PDIA6: variants seen among roughly 807,000 people sequenced by gnomAD.
PDIA6 encodes protein disulfide-isomerase A6.
In PDIA6, 29 loss-of-function variants were observed where a neutral mutation model predicts 58.4. That is an observed-to-expected ratio of 0.50 (90% CI 0.37 to 0.68). PDIA6 has a LOEUF of 0.68. PDIA6 is among the 30% of genes least tolerant of loss of function. The probability of loss-of-function intolerance (pLI) is 0.00; values close to 1 mark genes in which losing one functional copy is unlikely to be tolerated. For missense variants in PDIA6, 480 were observed against 551.0 expected (o/e 0.87, Z 1.29); for synonymous variants, 192 against 202.6 (o/e 0.95, Z 0.44).
rs1433506793 is a variant in PDIA6 at position 10,812,693 on chromosome 2, C to T, written c.4G>A (p.Ala2Thr). M[A>T]LLVLGLVSCT... is the part of the protein sequence containing the mutation. ...CCGCACCTACCGAGCACCAGGAGAG[C>T]CATGCCGAGCGCCGGGCTACGTGCA... Residue 2 changes from alanine (A) to threonine (T), a missense_variant, in exon 1 of 13, where the codon GCT (alanine) becomes ACT (threonine). Physicochemically the swap from Ala to Thr is moderately conservative, Grantham distance 58. Transcript: ENST00000272227. The T allele has an allele frequency of 2.0e-6, 3 of 1,531,466 alleles. No individual in the cohort carries two copies. The highest frequency in any genetic ancestry group is 2.7e-5 in the East Asian group (1 of 36,858). The allele number at this position is 1,531,466 out of a possible 1,614,324, so 94.9% of individuals were successfully genotyped here.
upstream of PDIA6, among the ~76,000 whole-genome samples, chr2:10,834,732 C>CTCCCTCCTTCCTTCCTTCCTTCCT (rs1217424185): frequency 5.5e-5 from 2 of 36,414 alleles, no homozygotes; most frequent in African/African-American, 1.9e-4. Flanking sequence ...CCTTCCTTCC[C>CTCCCTCCTTCCTTCCTTCCTTCCT]TCCTTCCTTC....
At chr2:10,784,486 A>G in intron 12 of PDIA6, 160 bp from the exon 13 acceptor site, 1 of 569,422 alleles carries the variant, frequency 1.8e-6, no homozygotes. Flanking sequence ...CTATGATTAT[A>G]CGGATGGAAA....
intron 3 of PDIA6, 30 bp downstream of exon 3, chr2:10,797,670 G>GT (rs779301133): frequency 6.3e-7 from 1 of 1,575,134 alleles, no homozygotes; most frequent in Non-Finnish European, 8.7e-7. Context: ...AAAAAGTTTT[G>GT]TAAGCCTTTT....
intron 2 of PDIA6, among the ~76,000 whole-genome samples, chr2:10,798,703 T>C (rs1666376874): frequency 6.6e-6 from 1 of 152,186 alleles, no homozygotes; most frequent in African/African-American, 2.4e-5. Flanking sequence ...TGTGTGGAGC[T>C]GAAAGCCTAG....
intron 8 of PDIA6, among the ~76,000 whole-genome samples, chr2:10,789,421 A>ACAAAG (rs1558439757): frequency 6.6e-6 from 1 of 152,046 alleles, no homozygotes; most frequent in Non-Finnish European, 1.5e-5. Context: ...ACAAAACAAA[A>ACAAAG]CAAAACAAAA....
intron 5 of PDIA6, 125 bp downstream of exon 5, chr2:10,792,969 CCT>C (rs1322346190): frequency 1.4e-6 from 1 of 689,750 alleles, no homozygotes; most frequent in Non-Finnish European, 2.6e-6. Flanking sequence ...TGGATCCAAT[CCT>C]CTATTATTCT....
chr2:10,820,511 T>C (rs1258901117), intron 1 of PDIA6, among the ~76,000 whole-genome samples: 17 of 152,234 alleles, frequency 1.1e-4, no homozygotes, highest in African/African-American at 3.9e-4. Flanking sequence ...CTCGTTTCTA[T>C]AGATGTCATC....
intron 1 of PDIA6, among the ~76,000 whole-genome samples, chr2:10,804,330 T>C (rs1277970873): frequency 6.8e-6 from 1 of 147,104 alleles, no homozygotes; most frequent in Non-Finnish European, 1.5e-5. Context: ...CTTTAATCCA[T>C]CTTGAATTGA....
chr2:10,809,556 T>A (rs2969884), intron 1 of PDIA6, among the ~76,000 whole-genome samples: 1 of 145,938 alleles, frequency 6.9e-6, no homozygotes, highest in Admixed American at 7.1e-5. Context: ...ATTAGCTCGG[T>A]ATGGTAGGGT....
In PDIA6 at chr2:10,784,038, G is replaced by A. The variant is rs1398802714; in HGVS notation, c.*220C>T. 5.2e-6 allele frequency: 2 copies of A among 385,728 alleles called. No homozygotes were observed. The highest frequency in any genetic ancestry group is 9.2e-6 in the Non-Finnish European group (2 of 216,668). The allele number at this position is 385,728 out of a possible 1,614,324, so 23.9% of individuals were successfully genotyped here. ...TTCAAAATATTATGTGACAGAATAC[G>A]ACTCAATTCACCGGCTACAACAATT... On this transcript the variant is annotated 3_prime_UTR_variant, in exon 13 of 13. Coordinates refer to ENST00000272227, the MANE Select transcript of PDIA6 (RefSeq NM_005742.4).
chr2:10,783,490 C>A lies in PDIA6; in HGVS notation c.*768G>T, dbSNP rs1216379685. 6 of 445,086 alleles carry A rather than the reference C, an allele frequency of 1.3e-5. No individual in the cohort carries two copies. The highest frequency in any genetic ancestry group is 6.4e-4 in the Middle Eastern group (1 of 1,570). The allele number at this position is 445,086 out of a possible 1,614,324, so 27.6% of individuals were successfully genotyped here. On this transcript the variant is annotated 3_prime_UTR_variant, in exon 13 of 13. Transcript: ENST00000272227. ...AAAACTTCATTTTCTGAATGTTTTA[C>A]ATAAATGCGAACTACCTGTTCGCAT...
chr2:10,789,806 G>A lies in PDIA6; in HGVS notation c.783C>T (p.Ile261=), dbSNP rs1011835408. ...AAAACAAATCAAGGGCCCGGGACAC[G>A]ATGTCGGATCTTGTCCGCCCACCGT... is the stretch of plus-strand genomic sequence containing the variant. ...DYDGGRTRSD[I]VSRALDLFSD... is the part of the protein sequence containing the mutation. The change falls in exon 8 of 13, where the codon ATC becomes ATT. Residue 261 remains isoleucine (I), a synonymous_variant. Coordinates refer to ENST00000272227, the MANE Select transcript of PDIA6 (RefSeq NM_005742.4). 3 of 1,613,706 alleles carry A rather than the reference G, an allele frequency of 1.9e-6. No individual in the cohort carries two copies. Among genetic ancestry groups the A allele is most frequent in the Middle Eastern group, 1.6e-4 (1 of 6,080 alleles).
chr2:10,816,077 C>CTTTTTTTTTTTTT (rs57404091), upstream of PDIA6, among the ~76,000 whole-genome samples: 19 of 96,466 alleles, frequency 2.0e-4, 2 homozygotes, highest in African/African-American at 6.3e-4. Flanking sequence ...AATCATTTGT[C>CTTTTTTTTTTTTT]TTTTTTTTTT....
Position 10,791,652 on chromosome 2 carries a change from T to C in PDIA6, c.584+143A>G. The stretch of plus-strand genomic sequence containing the variant: ...TGGAAGCTCTTGGCGCTAATGTCAA[T>C]GTTTAATATTCACTTAGAGTCAGAG... On this transcript the variant is annotated intron_variant, in intron 6 of 12. Coordinates refer to ENST00000272227, the MANE Select transcript of PDIA6 (RefSeq NM_005742.4). 7.1e-6 allele frequency: 5 copies of C among 701,730 alleles called. No homozygotes were observed. In the South Asian group the frequency reaches 8.8e-5, roughly 12 times the overall value. The allele number at this position is 701,730 out of a possible 1,614,324, so 43.5% of individuals were successfully genotyped here. A position where few individuals can be genotyped will look rare whatever the true frequency, so the allele number is the denominator to read the frequency against.
chr2:10,837,164 C>T (rs1667846294), upstream of PDIA6, among the ~76,000 whole-genome samples: 1 of 152,214 alleles, frequency 6.6e-6, no homozygotes, highest in South Asian at 2.1e-4. Flanking sequence ...TCACCCCTCT[C>T]TGTTTCCCAT....
At chr2:10,794,082 T>C (rs1415120517) in intron 4 of PDIA6, among the ~76,000 whole-genome samples, 1 of 151,764 alleles carries the variant, frequency 6.6e-6, no homozygotes, top group East Asian at 1.9e-4. Flanking sequence ...ACAGAAGTAC[T>C]GGAATAACAT....
In PDIA6 at chr2:10,784,924, G is replaced by A. The variant is rs770977562; in HGVS notation, c.1254+10C>T. The stretch of plus-strand genomic sequence containing the variant: ...CTGCTGCCCGCACAGCTTCCCTCCC[G>A]GGCACTCACCTCGCCATCCCTGCCG... On this transcript the variant is annotated intron_variant, in intron 12 of 12. Transcript: ENST00000272227. 2.1e-5 allele frequency: 33 copies of A among 1,560,418 alleles called. No individual in the cohort carries two copies. Among genetic ancestry groups the A allele is most frequent in the South Asian group, 3.5e-5 (3 of 85,578 alleles).
intron 8 of PDIA6, among the ~76,000 whole-genome samples, chr2:10,789,230 C>T (rs181398635): frequency 2.0e-5 from 3 of 151,974 alleles, no homozygotes; most frequent in East Asian, 1.9e-4. Flanking sequence ...TCTCTGAAAT[C>T]GCAATGCCTG....
At chr2:10,785,276 T>G (rs149807444) in intron 11 of PDIA6, among the ~76,000 whole-genome samples, 169 of 152,320 alleles carry the variant, frequency 1.1e-3, no homozygotes, top group African/African-American at 4.0e-3. Context: ...TTGCTATCAG[T>G]AAGCTTTTAA....
Sources: gnomAD v4.1 joint callset for allele counts (sites outside exome capture counted in the v4.1 genomes callset) on GRCh38, gnomAD v4.1.1 for gene constraint, MANE v1.5 for transcripts, NCBI Gene and HGNC (gene_info 2026-07-23, HGNC 2026-07-21) for gene names.